Variants in USP4 observed in about 807,000 individuals in gnomAD.
The protein encoded by USP4 is ubiquitin specific peptidase 4, also known as ubiquitin carboxyl-terminal hydrolase 4.
Under a neutral mutation model 118.2 loss-of-function variants are expected in USP4, and 72 were observed. That is an observed-to-expected ratio of 0.61 (90% CI 0.50 to 0.74). USP4 has a LOEUF of 0.74. Among genes scored for constraint, USP4 ranks in the 30% least tolerant of loss-of-function variants. The pLI is 0.00. For missense variants in USP4, 1,037 were observed against 1,185.7 expected (o/e 0.87, Z 1.84); for synonymous variants, 415 against 440.4 (o/e 0.94, Z 0.72).
intron 6 of USP4, 39 bp downstream of exon 6, chr3:49,324,663 A>G (rs1222001800): frequency 6.3e-7 from 1 of 1,583,812 alleles, no homozygotes. Context: ...TCTCTTTTGC[A>G]CATGTGAGCC....
At chr3:49,280,698 C>A (rs77647984) in intron 20 of USP4, 46 bp downstream of exon 20, 2 of 1,527,522 alleles carry the variant, frequency 1.3e-6, no homozygotes, top group South Asian at 1.1e-5. Flanking sequence ...AGATGATGGC[C>A]GAGCACATTT....
chr3:49,306,510 T>A (rs1251808367), intron 8 of USP4, among the ~76,000 whole-genome samples: 1 of 151,702 alleles, frequency 6.6e-6, no homozygotes, highest in African/African-American at 2.4e-5. Flanking sequence ...GCCTTTTTCA[T>A]TAGTTTCTGT....
intron 8 of USP4, among the ~76,000 whole-genome samples, chr3:49,309,619 CTTTTTTTTTT>C (rs35128646): frequency 3.8e-5 from 3 of 79,398 alleles, no homozygotes; most frequent in South Asian, 5.8e-4. Flanking sequence ...GGCGGGACAG[CTTTTTTTTTT>C]TTTTTTTTTT....
intron 6 of USP4, among the ~76,000 whole-genome samples, chr3:49,319,928 T>C (rs1386939319): frequency 2.0e-5 from 3 of 151,974 alleles, no homozygotes; most frequent in East Asian, 3.9e-4. Context: ...TTTGTTTTCT[T>C]GTGTTTTGAG....
Position 49,280,775 on chromosome 3 carries a change from G to C in USP4, c.2613C>G (p.Ser871=). ...RPYVYDLIAV[S]NHYGAMGVGH... ...CAACCCCCATGGCTCCATAATGATTGGACACGGCAATGAGGTCGTACACAT... is the reference window on the plus strand; with the variant it reads ...CAACCCCCATGGCTCCATAATGATTCGACACGGCAATGAGGTCGTACACAT... The change falls in exon 20 of 22, where the codon TCC becomes TCG. Residue 871 remains serine (S), a synonymous_variant. Coordinates refer to ENST00000265560, the MANE Select transcript of USP4 (RefSeq NM_003363.4). 6.2e-7 allele frequency: 1 copy of C among 1,614,064 alleles called. No individual in the cohort carries two copies. The highest frequency in any genetic ancestry group is 8.5e-7 in the Non-Finnish European group (1 of 1,179,988).
At chr3:49,301,751 CAT>C (rs548618346) in intron 10 of USP4, among the ~76,000 whole-genome samples, 28 of 152,084 alleles carry the variant, frequency 1.8e-4, no homozygotes, top group Non-Finnish European at 4.0e-4. Flanking sequence ...TCAGCTAACT[CAT>C]AGTTTTTCTA....
At chr3:49,336,231 G>T (rs2047668290) in intron 1 of USP4, among the ~76,000 whole-genome samples, 1 of 138,682 alleles carries the variant, frequency 7.2e-6, no homozygotes, top group African/African-American at 2.7e-5. Context: ...GAGTGCAGTG[G>T]TATGATCTTG....
In USP4 at chr3:49,300,540, G is replaced by A. The variant is rs747542011; in HGVS notation, c.1439C>T (p.Pro480Leu). Reference sequence around the variant, plus strand: ...AACTCGATCTTTCTTCAAGGGCAGTGGCAGCGTTAGATAGCAAAATGGGTC... The same window carrying A: ...AACTCGATCTTTCTTCAAGGGCAGTAGCAGCGTTAGATAGCAAAATGGGTC... ...TFDPFCYLTL[P>L]LPLKKDRVME... The change falls in exon 11 of 22, where the codon CCA becomes CTA. Residue 480 changes from proline (P) to leucine (L), a missense_variant. Pro to Leu is a moderately conservative substitution (Grantham distance 98, BLOSUM62 -3). Transcript: ENST00000265560. The A allele has an allele frequency of 1.9e-5, 31 of 1,614,208 alleles. No homozygotes were observed. Among genetic ancestry groups the A allele is most frequent in the Non-Finnish European group, 2.5e-5 (30 of 1,180,040 alleles).
Position 49,278,397 on chromosome 3 carries a change from T to C in USP4, c.2788A>G (p.Thr930Ala). 1.2e-6 allele frequency: 2 copies of C among 1,614,144 alleles called. No individual in the cohort carries two copies. The highest frequency in any genetic ancestry group is 2.7e-5 in the African/African-American group (2 of 75,024). The change falls in exon 22 of 22, where the codon ACA (threonine) becomes GCA (alanine). Residue 930 changes from threonine to alanine, a missense_variant. Physicochemically the swap from Thr to Ala is moderately conservative, Grantham distance 58. This residue lies in a region of USP4 where 522 missense variants were observed against 592.6 expected (regional missense o/e 0.88). Coordinates refer to ENST00000265560, the MANE Select transcript of USP4 (RefSeq NM_003363.4). ...GAACCAGAACTGCTAAGTGAAGGTG[T>C]CTTATAAAATTCATCATCTCGACGT... Reference protein sequence around the residue: ...YQRRDDEFYKTPSLSSSGSSD... With the variant: ...YQRRDDEFYKAPSLSSSGSSD...
chr3:49,327,368 T>C (rs1254604620), intron 3 of USP4, among the ~76,000 whole-genome samples: 1 of 152,048 alleles, frequency 6.6e-6, no homozygotes, highest in Non-Finnish European at 1.5e-5. Context: ...AAACCCCGTC[T>C]CTACTAAAAA....
At chr3:49,283,639 G>A (rs1473398648) in intron 19 of USP4, among the ~76,000 whole-genome samples, 2 of 152,142 alleles carry the variant, frequency 1.3e-5, no homozygotes, top group African/African-American at 2.4e-5. Context: ...ATTCTTGGTT[G>A]CCTTGTCCCC....
chr3:49,287,308 C>A (rs777030092), intron 15 of USP4, among the ~76,000 whole-genome samples: 8 of 152,066 alleles, frequency 5.3e-5, no homozygotes, highest in Non-Finnish European at 1.0e-4. Context: ...GTGCGTGCTA[C>A]CACACCCGGC....
intron 1 of USP4, among the ~76,000 whole-genome samples, chr3:49,336,260 C>T (rs2047668559): frequency 6.6e-6 from 1 of 150,484 alleles, no homozygotes; most frequent in Admixed American, 6.7e-5. Flanking sequence ...CAACCTCCAC[C>T]TCCTGGGTTC....
At chr3:49,300,800 A>T in intron 10 of USP4, 109 bp from the exon 11 acceptor site, 1 of 957,956 alleles carries the variant, frequency 1.0e-6, no homozygotes, top group African/African-American at 1.6e-5. Context: ...CAATCTGTAC[A>T]GCCAAGAGCT....
At chr3:49,322,753 C>A (rs544269995) in intron 6 of USP4, among the ~76,000 whole-genome samples, 1 of 123,736 alleles carries the variant, frequency 8.1e-6, no homozygotes, top group Admixed American at 9.0e-5. Context: ...CCCAGCTGCT[C>A]GGGAGGCTGA....
At chr3:49,309,288 G>A (rs926257741) in intron 8 of USP4, among the ~76,000 whole-genome samples, 5 of 152,140 alleles carry the variant, frequency 3.3e-5, no homozygotes, top group Admixed American at 6.6e-5. Context: ...AGTTGGTTTC[G>A]GAAATGAGGG....
At position 49,284,021 on chromosome 3, in the gene USP4, C is replaced by A. The variant is rs1278014419; in HGVS notation, c.2506G>T (p.Asp836Tyr). ...KRFSYNRYWRDKLDTVVEFPI... is the reference protein window; with the variant it reads ...KRFSYNRYWRYKLDTVVEFPI... ...AATTCTACGACTGTGTCGAGCTTATCCCTCCAGTATCTGTTGTAGGAGAAA... is the reference window on the plus strand; with the variant it reads ...AATTCTACGACTGTGTCGAGCTTATACCTCCAGTATCTGTTGTAGGAGAAA... Residue 836 changes from aspartate to tyrosine, a missense_variant, in exon 19 of 22, where the codon GAT becomes TAT. By Grantham distance (160) the Asp-to-Tyr change is radical. This residue lies in a region of USP4 where 522 missense variants were observed against 592.6 expected (regional missense o/e 0.88). Coordinates refer to ENST00000265560, the MANE Select transcript of USP4 (RefSeq NM_003363.4). 1 of 1,614,148 alleles carries A rather than the reference C, an allele frequency of 6.2e-7. No individual in the cohort carries two copies. The highest frequency in any genetic ancestry group is 1.3e-5 in the African/African-American group (1 of 74,952).
chr3:49,308,729 G>A (rs186501602), intron 8 of USP4, among the ~76,000 whole-genome samples: 40 of 151,668 alleles, frequency 2.6e-4, no homozygotes, highest in African/African-American at 8.5e-4. Flanking sequence ...ATCAATGCCA[G>A]GAAATCACCA....
chr3:49,325,948 T>G, intron 3 of USP4, 103 bp from the exon 4 acceptor site: 1 of 1,414,692 alleles, frequency 7.1e-7, no homozygotes, highest in Non-Finnish European at 9.7e-7. Flanking sequence ...CTCATGATAA[T>G]CCATTTCCTT....
Sources: gnomAD v4.1 joint callset for allele counts (sites outside exome capture counted in the v4.1 genomes callset) on GRCh38, gnomAD v4.1.1 for gene constraint, gnomAD v4.1.1 regional missense constraint, MANE v1.5 for transcripts, NCBI Gene and HGNC (gene_info 2026-07-23, HGNC 2026-07-21) for gene names.